DRAXIN: variants seen among roughly 807,000 people sequenced by gnomAD.
DRAXIN encodes the protein dorsal repulsive axon guidance protein.
DRAXIN carries 27 observed loss-of-function variants against 33.9 expected under a neutral mutation model. That is an observed-to-expected ratio of 0.80 (90% confidence interval 0.59 to 1.10). DRAXIN has a LOEUF of 1.10. Ranked by LOEUF, DRAXIN falls within the 50% of genes least tolerant of loss-of-function variation. The pLI, the probability that DRAXIN is intolerant of heterozygous loss-of-function variation, is 0.00. For synonymous variants in DRAXIN, 178 were observed against 194.0 expected, an observed-to-expected ratio of 0.92 and a Z score of 0.69; for missense variants, 371 against 460.8, an observed-to-expected ratio of 0.81 and a Z score of 1.78.
intron 1 of DRAXIN, among the ~76,000 whole-genome samples, chr1:11,698,326 T>C (rs532910612): frequency 6.6e-5 from 10 of 152,246 alleles, no homozygotes; most frequent in Admixed American, 4.6e-4. Flanking sequence ...TTACCCACTT[T>C]CCAGCCCTAG....
Position 11,723,286 on chromosome 1 carries a change from C to T in DRAXIN, c.*3590C>T, listed in dbSNP as rs1470459419. Reference sequence around the variant, plus strand: ...CTGCTCACTCTCAACGCTGGCTGCACGTTGCAATAATCCAGGAACATTCAC... The same window carrying T: ...CTGCTCACTCTCAACGCTGGCTGCATGTTGCAATAATCCAGGAACATTCAC... On this transcript the variant is annotated 3_prime_UTR_variant, in exon 7 of 7. Coordinates refer to ENST00000294485, the MANE Select transcript of DRAXIN (RefSeq NM_198545.4). 2 of 152,232 alleles carry T rather than the reference C, an allele frequency of 1.3e-5. No homozygotes were observed. Among genetic ancestry groups the T allele is most frequent in the Non-Finnish European group, 1.5e-5 (1 of 68,048 alleles). The allele number at this position is 152,232 out of a possible 1,614,324, so 9.4% of individuals were successfully genotyped here.
chr1:11,718,315 C>CAAAAA (rs759545157), intron 6 of DRAXIN, among the ~76,000 whole-genome samples: 3 of 93,882 alleles, frequency 3.2e-5, no homozygotes, highest in Non-Finnish European at 6.1e-5. Context: ...AACTCCATCT[C>CAAAAA]AAAAAAAAAA....
At chr1:11,719,437 G>C in intron 6 of DRAXIN, 147 bp from the exon 7 acceptor site, 1 of 661,060 alleles carries the variant, frequency 1.5e-6, no homozygotes, top group Non-Finnish European at 2.6e-6. Flanking sequence ...TGTCTTTTAA[G>C]CTCATTGGGG....
rs1180451024 is a variant in DRAXIN, at chr1:11,721,133, CA to C, written c.*1444del. On this transcript the variant is annotated 3_prime_UTR_variant, in exon 7 of 7. Transcript: ENST00000294485. ...GGGGTTCTGATGCAAGCATGGAATC[CA>C]AAAAAACCCCACACATATTGCCCAT... is the stretch of plus-strand genomic sequence containing the variant. 1 of 152,162 alleles carries C rather than the reference CA, an allele frequency of 6.6e-6. No homozygotes were observed. The highest frequency in any genetic ancestry group is 1.5e-5 in the Non-Finnish European group (1 of 68,024). The allele number at this position is 152,162 out of a possible 1,614,324, so 9.4% of individuals were successfully genotyped here.
At position 11,706,035 on chromosome 1, in the gene DRAXIN, G is replaced by C. The variant is rs1391959431; in HGVS notation, c.-10-214G>C. ...TTCGGGGGCTGTCCTGTGCATTGTC[G>C]GGCGTTTAGCAGCATCCACGGGCTC... is the stretch of plus-strand genomic sequence containing the variant. On this transcript the variant is annotated intron_variant, in intron 1 of 6. Coordinates refer to ENST00000294485, the MANE Select transcript of DRAXIN (RefSeq NM_198545.4). The surrounding 1 kb of genome is among the most constrained non-coding windows in gnomAD (Gnocchi z 5.5). Among the ~76,000 whole-genome samples the C allele has an allele frequency of 6.6e-6, 1 of 152,116 alleles. No homozygotes were observed. Among genetic ancestry groups the C allele is most frequent in the Non-Finnish European group, 1.5e-5 (1 of 68,018 alleles).
At chr1:11,695,611 A>AAT (rs1158817614) in intron 1 of DRAXIN, among the ~76,000 whole-genome samples, 21 of 145,246 alleles carry the variant, frequency 1.4e-4, no homozygotes, top group South Asian at 8.8e-4. Flanking sequence ...CAAAAAAAAA[A>AAT]ATATATATAT....
At chr1:11,693,925 C>A (rs1047940463) in intron 1 of DRAXIN, among the ~76,000 whole-genome samples, 1 of 152,170 alleles carries the variant, frequency 6.6e-6, no homozygotes, top group Non-Finnish European at 1.5e-5. Context: ...AGCATTGTCC[C>A]CTCTGCGTCC....
intron 1 of DRAXIN, among the ~76,000 whole-genome samples, chr1:11,699,264 G>A (rs913227824): frequency 2.0e-5 from 3 of 152,096 alleles, no homozygotes; most frequent in South Asian, 2.1e-4. Context: ...AATTCGATCC[G>A]TAATCCCAAT....
At chr1:11,715,002 C>A in intron 5 of DRAXIN, 117 bp from the exon 6 acceptor site, 1 of 1,251,470 alleles carries the variant, frequency 8.0e-7, no homozygotes, top group Non-Finnish European at 1.1e-6. Flanking sequence ...TGGCCCACCC[C>A]GCCAGGGCGC....
chr1:11,699,719 G>C (rs1641242997), intron 1 of DRAXIN, among the ~76,000 whole-genome samples: 1 of 151,894 alleles, frequency 6.6e-6, no homozygotes, highest in Non-Finnish European at 1.5e-5. Context: ...CTGAGGTCAG[G>C]AGTTCGAGAC....
In DRAXIN at chr1:11,696,866, AC is replaced by A; in HGVS notation, c.-11+5014del. ...ACAGAGCAAGACTCTGTCTCAAAAAACAAAAACAAAACAAATCAAAATAGCC... is the reference window on the plus strand; with the variant it reads ...ACAGAGCAAGACTCTGTCTCAAAAAAAAAAACAAAACAAATCAAAATAGCC... On this transcript the variant is annotated intron_variant, in intron 1 of 6. Coordinates refer to ENST00000294485, the MANE Select transcript of DRAXIN (RefSeq NM_198545.4). This position sits in a 1 kb window ranked among gnomAD's most constrained non-coding sequence, Gnocchi z 4.7. 6.6e-6 allele frequency among the ~76,000 whole-genome samples: 1 copy of A among 151,672 alleles called. No homozygotes were observed. Among genetic ancestry groups the A allele is most frequent in the Non-Finnish European group, 1.5e-5 (1 of 67,880 alleles).
At chr1:11,700,712 C>T (rs1641258090) in intron 1 of DRAXIN, among the ~76,000 whole-genome samples, 2 of 152,220 alleles carry the variant, frequency 1.3e-5, no homozygotes, top group Admixed American at 6.5e-5. Context: ...CCGGTTCTCC[C>T]CGTGGGGGGT....
In DRAXIN at chr1:11,709,990, G is replaced by T. The variant is rs190224580; in HGVS notation, c.642+525G>T. Among the ~76,000 whole-genome samples the T allele has an allele frequency of 9.9e-5, 15 of 151,862 alleles. No homozygotes were observed. In the East Asian group the frequency reaches 2.5e-3, roughly 26 times the overall value. ...TCACGAGGTCAGGAGTTCGAGACCA[G>T]CCTGGCCAACATAGTGAAACCCCAT... On this transcript the variant is annotated intron_variant, in intron 3 of 6. Transcript: ENST00000294485.
At chr1:11,719,454 T>G in intron 6 of DRAXIN, 130 bp from the exon 7 acceptor site, 4 of 740,744 alleles carry the variant, frequency 5.4e-6, no homozygotes, top group Non-Finnish European at 9.0e-6. Flanking sequence ...GGGGCTGCCG[T>G]GAGGAAGCTG....
chr1:11,703,586 A>G (rs753956511), intron 1 of DRAXIN, among the ~76,000 whole-genome samples: 17 of 152,224 alleles, frequency 1.1e-4, no homozygotes, highest in Non-Finnish European at 2.4e-4. Flanking sequence ...ATAGGGAGCC[A>G]TAGACAGTTT....
chr1:11,719,775 CA>C lies in DRAXIN; in HGVS notation c.*81del. Reference sequence around the variant, plus strand: ...TTGTTTGTAACTAGCAGTGGGAGATCAAGTTGGGGAACAGATGGCTGAGGCT... The same window carrying C: ...TTGTTTGTAACTAGCAGTGGGAGATCAGTTGGGGAACAGATGGCTGAGGCT... On this transcript the variant is annotated 3_prime_UTR_variant, in exon 7 of 7. Coordinates refer to ENST00000294485, the MANE Select transcript of DRAXIN (RefSeq NM_198545.4). 1 of 1,264,924 alleles carries C rather than the reference CA, an allele frequency of 7.9e-7. No homozygotes were observed. Among genetic ancestry groups the C allele is most frequent in the Non-Finnish European group, 1.1e-6 (1 of 883,418 alleles). 78.4% of individuals were successfully genotyped at this position (1,264,924 alleles called of 1,614,324 possible).
rs1641667581 is a variant in DRAXIN at position 11,722,219 on chromosome 1, G to C, written c.*2523G>C. The C allele has an allele frequency of 6.6e-6, 1 of 152,242 alleles. No homozygotes were observed. The highest frequency in any genetic ancestry group is 1.9e-4 in the East Asian group (1 of 5,192). The allele number at this position is 152,242 out of a possible 1,614,324, so 9.4% of individuals were successfully genotyped here. On this transcript the variant is annotated 3_prime_UTR_variant, in exon 7 of 7. Coordinates refer to ENST00000294485, the MANE Select transcript of DRAXIN (RefSeq NM_198545.4). ...TGCTGTGTGTGCCTCACATTAAGTG[G>C]TGACTCGGGACTGTGCTGGCTCTGT...
In DRAXIN at chr1:11,694,039, C is replaced by T. The variant is rs1641151575; in HGVS notation, c.-11+2186C>T. ...CTGCCCTGTGTTTGATCTCAGCCCTCTGTCTTTGCTGACCAAGGAGGTCTG... is the reference window on the plus strand; with the variant it reads ...CTGCCCTGTGTTTGATCTCAGCCCTTTGTCTTTGCTGACCAAGGAGGTCTG... On this transcript the variant is annotated intron_variant, in intron 1 of 6. Coordinates refer to ENST00000294485, the MANE Select transcript of DRAXIN (RefSeq NM_198545.4). The surrounding 1 kb of genome is among the most constrained non-coding windows in gnomAD (Gnocchi z 4.9). Among the ~76,000 whole-genome samples, 11 of 152,174 alleles carry T rather than the reference C, an allele frequency of 7.2e-5. No individual in the cohort carries two copies. Among genetic ancestry groups the T allele is most frequent in the Admixed American group, 7.2e-4 (11 of 15,284 alleles).
Position 11,710,244 on chromosome 1 carries a change from C to T in DRAXIN, c.642+779C>T, listed in dbSNP as rs115142432. Among the ~76,000 whole-genome samples, 375 of 150,940 alleles carry T rather than the reference C, an allele frequency of 2.5e-3. 3 individuals are homozygous for T. Among genetic ancestry groups the T allele is most frequent in the African/African-American group, 8.1e-3 (334 of 41,050 alleles). ...CGTTGGCTCAAGCCTGTAATTCTAA[C>T]ACCTTAGAAGGCCAAGGCACGAGGG... On this transcript the variant is annotated intron_variant, in intron 3 of 6. Coordinates refer to ENST00000294485, the MANE Select transcript of DRAXIN (RefSeq NM_198545.4).
Sources: allele counts gnomAD v4.1 joint callset (sites outside exome capture counted in the v4.1 genomes callset), GRCh38; gene constraint gnomAD v4.1.1; non-coding constraint Gnocchi (gnomAD v3.1); transcripts MANE v1.5; gene names NCBI Gene and HGNC (gene_info 2026-07-23, HGNC 2026-07-21).